GATAD2B: variants seen among roughly 807,000 people sequenced by gnomAD.
GATAD2B encodes the protein transcriptional repressor p66-beta.
GATAD2B carries 8 observed loss-of-function variants against 64.3 expected under a neutral mutation model. That is an observed-to-expected ratio of 0.12 (90% CI 0.07 to 0.22). The LOEUF (loss-of-function observed/expected upper bound fraction) is 0.22. Ranked by LOEUF, GATAD2B falls within the 10% of genes least tolerant of loss-of-function variation. The pLI, the probability that GATAD2B is intolerant of heterozygous loss-of-function variation, is 1.00. For synonymous variants in GATAD2B, 281 were observed against 271.3 expected, an observed-to-expected ratio of 1.04 and a Z score of -0.35; for missense variants, 453 against 752.0, an observed-to-expected ratio of 0.60 and a Z score of 4.65.
intron 1 of GATAD2B, among the ~76,000 whole-genome samples, chr1:153,867,241 C>G (rs940694248): frequency 2.0e-5 from 3 of 152,198 alleles, no homozygotes; most frequent in Non-Finnish European, 4.4e-5. Context: ...AGAAACCACA[C>G]TGATCTCCTT....
intron 1 of GATAD2B, among the ~76,000 whole-genome samples, chr1:153,915,154 C>A (rs1160283312): frequency 6.6e-6 from 1 of 152,104 alleles, no homozygotes; most frequent in Non-Finnish European, 1.5e-5. Flanking sequence ...ACCCGGGAGG[C>A]GGTGGCTCAC....
At chr1:153,846,915 C>T (rs1371180330) in intron 1 of GATAD2B, among the ~76,000 whole-genome samples, 1 of 152,024 alleles carries the variant, frequency 6.6e-6, no homozygotes, top group Non-Finnish European at 1.5e-5. Flanking sequence ...AGTCCTATCT[C>T]ATTTTTAGTT....
At chr1:153,828,443 C>G (rs937447191) in intron 1 of GATAD2B, 95 bp from the exon 2 acceptor site, 5 of 741,124 alleles carry the variant, frequency 6.7e-6, no homozygotes, top group Admixed American at 2.8e-5. Context: ...ACAAGAATCT[C>G]TCTCTCACAC....
chr1:153,881,033 C>A (rs570962304), intron 1 of GATAD2B, among the ~76,000 whole-genome samples: 4 of 152,042 alleles, frequency 2.6e-5, no homozygotes, highest in Non-Finnish European at 5.9e-5. Context: ...AAGCCTCCCC[C>A]CTCCCTCTCC....
At chr1:153,849,769 TAC>T (rs1331543318) in intron 1 of GATAD2B, among the ~76,000 whole-genome samples, 2 of 152,100 alleles carry the variant, frequency 1.3e-5, no homozygotes, top group Non-Finnish European at 2.9e-5. Context: ...TAGCTGGGAT[TAC>T]AGACATGTGC....
rs142075555 is a variant in GATAD2B at position 153,905,265 on chromosome 1, A to G, written c.-2+17468T>C. On this transcript the variant is annotated intron_variant, in intron 1 of 10. Coordinates refer to ENST00000368655, the MANE Select transcript of GATAD2B (RefSeq NM_020699.4). ...TGGCAGGCGCCCTGTAGTCTCAGCT[A>G]CTTGGGAGGCTGAGACAGGGAGAAT... 2.3e-3 allele frequency among the ~76,000 whole-genome samples: 345 copies of G among 152,146 alleles called. 1 individual carries two copies. Among genetic ancestry groups the G allele is most frequent in the African/African-American group, 7.6e-3 (316 of 41,532 alleles).
rs537969575 is a variant in GATAD2B, at chr1:153,859,427, T to C, written c.-1-31079A>G. On this transcript the variant is annotated intron_variant, in intron 1 of 10. Coordinates refer to ENST00000368655, the MANE Select transcript of GATAD2B (RefSeq NM_020699.4). ...GCTCATGCCTATAACCCCGGCACTT[T>C]GGGAGACCCAGGTGGGTGGATCACC... is the stretch of plus-strand genomic sequence containing the variant. Among the ~76,000 whole-genome samples the C allele has an allele frequency of 6.0e-5, 9 of 150,488 alleles. 1 individual carries two copies. Among genetic ancestry groups the C allele is most frequent in the African/African-American group, 2.2e-4 (9 of 40,900 alleles).
chr1:153,852,197 G>C (rs1675920343), intron 1 of GATAD2B: 1 of 983,760 alleles, frequency 1.0e-6, no homozygotes, highest in Non-Finnish European at 1.6e-6. Context: ...AGTTGAGGGT[G>C]AAAGGGACCT....
chr1:153,900,145 G>C (rs769878836), intron 1 of GATAD2B, among the ~76,000 whole-genome samples: 5 of 151,944 alleles, frequency 3.3e-5, no homozygotes, highest in Non-Finnish European at 7.4e-5. Flanking sequence ...TGGGCGCAGT[G>C]AGTGGCTCAT....
chr1:153,894,091 T>C lies in GATAD2B; in HGVS notation c.-2+28642A>G, dbSNP rs187974385. ...TTATTACCAAGTCTCAAGCTTGTAG[T>C]TGAACACAAATACTACCAGAGGAAG... On this transcript the variant is annotated intron_variant, in intron 1 of 10. Transcript: ENST00000368655. Among the ~76,000 whole-genome samples, 7 of 152,008 alleles carry C rather than the reference T, an allele frequency of 4.6e-5. No homozygotes were observed. The South Asian group carries it at 1.0e-3, about 23-fold the overall frequency.
At chr1:153,815,804 G>C (rs1052211994) in intron 7 of GATAD2B, among the ~76,000 whole-genome samples, 8 of 152,316 alleles carry the variant, frequency 5.3e-5, no homozygotes, top group African/African-American at 1.9e-4. Context: ...TGTAATCCTA[G>C]CACTTTAGGA....
intron 1 of GATAD2B, among the ~76,000 whole-genome samples, chr1:153,870,159 C>G (rs1208265733): frequency 1.3e-5 from 2 of 152,120 alleles, no homozygotes; most frequent in Non-Finnish European, 2.9e-5. Context: ...TCATGTTGGC[C>G]AGGCTGGTCT....
chr1:153,857,028 T>C (rs1477931513), intron 1 of GATAD2B, among the ~76,000 whole-genome samples: 1 of 151,884 alleles, frequency 6.6e-6, no homozygotes, highest in Non-Finnish European at 1.5e-5. Context: ...AAAAAACATA[T>C]CAGATAAGAA....
In GATAD2B at chr1:153,922,852, G is replaced by T. The variant is rs977923121; in HGVS notation, c.-121C>A. 1.3e-5 allele frequency: 2 copies of T among 150,228 alleles called. No homozygotes were observed. The highest frequency in any genetic ancestry group is 4.9e-5 in the African/African-American group (2 of 40,606). 9.3% of individuals were successfully genotyped at this position (150,228 alleles called of 1,614,324 possible). On this transcript the variant is annotated 5_prime_UTR_variant, in exon 1 of 11. Transcript: ENST00000368655. Reference sequence around the variant, plus strand: ...CCCTGCTGACGGGACTAGGGACGGGGGTAGGGGAGGGGGGCGGGCCGGACC... The same window carrying T: ...CCCTGCTGACGGGACTAGGGACGGGTGTAGGGGAGGGGGGCGGGCCGGACC...
At chr1:153,814,122 A>G (rs1036956779) in intron 7 of GATAD2B, among the ~76,000 whole-genome samples, 3 of 152,234 alleles carry the variant, frequency 2.0e-5, no homozygotes, top group African/African-American at 4.8e-5. Flanking sequence ...TTGCTTCTTA[A>G]TATCTCCTTA....
chr1:153,832,611 G>A (rs953074804), intron 1 of GATAD2B, among the ~76,000 whole-genome samples: 12 of 152,332 alleles, frequency 7.9e-5, no homozygotes, highest in African/African-American at 2.9e-4. Context: ...ACCCACAAAA[G>A]TGACACATTA....
chr1:153,815,280 C>CAAAACAAAAAAAA (rs1674428829), intron 7 of GATAD2B, among the ~76,000 whole-genome samples: 4 of 66,602 alleles, frequency 6.0e-5, no homozygotes, highest in African/African-American at 6.4e-5. Context: ...CTCAAAAAAA[C>CAAAACAAAAAAAA]AAAAAAAAAA....
At chr1:153,882,645 T>C (rs766575277) in intron 1 of GATAD2B, among the ~76,000 whole-genome samples, 2 of 152,202 alleles carry the variant, frequency 1.3e-5, no homozygotes, top group Non-Finnish European at 2.9e-5. Context: ...CATAGTATGA[T>C]TGCAATATTA....
intron 1 of GATAD2B, among the ~76,000 whole-genome samples, chr1:153,859,680 A>T (rs1407751565): frequency 2.7e-5 from 4 of 147,128 alleles, no homozygotes; most frequent in African/African-American, 5.1e-5. Context: ...AAAAAAAAAT[A>T]ATAAAAAAAA....
Sources: gnomAD v4.1 joint callset for allele counts (sites outside exome capture counted in the v4.1 genomes callset) on GRCh38, gnomAD v4.1.1 for gene constraint, MANE v1.5 for transcripts, NCBI Gene and HGNC (gene_info 2026-07-23, HGNC 2026-07-21) for gene names.